Variants in PTAFR observed in about 807,000 individuals in gnomAD.
PTAFR encodes platelet activating factor receptor.
Under a neutral mutation model 14.7 loss-of-function variants are expected in PTAFR, and 8 were observed. The observed-to-expected ratio is 0.54, with a 90% confidence interval of 0.32 to 0.98. PTAFR has a LOEUF of 0.98. PTAFR is among the 50% of genes least tolerant of loss of function. The pLI is 0.04. For missense variants in PTAFR, 337 were observed against 451.2 expected, an observed-to-expected ratio of 0.75 and a Z score of 2.29; for synonymous variants, 156 against 176.5, an observed-to-expected ratio of 0.88 and a Z score of 0.92.
chr1:28,183,506 T>TA (rs1646579047), intron 1 of PTAFR, among the ~76,000 whole-genome samples: 1 of 152,200 alleles, frequency 6.6e-6, no homozygotes, highest in African/African-American at 2.4e-5. Context: ...TGCATGCCTG[T>TA]AGTCCTAGCT....
rs145158081 is a variant in PTAFR at position 28,175,202 on chromosome 1, A to G, written c.-39+1390T>C. 1.4e-3 allele frequency among the ~76,000 whole-genome samples: 210 copies of G among 152,174 alleles called. 2 individuals carry two copies. Among genetic ancestry groups the G allele is most frequent in the African/African-American group, 4.8e-3 (200 of 41,504 alleles). On this transcript the variant is annotated intron_variant, in intron 1 of 1. Coordinates refer to ENST00000373857, the MANE Select transcript of PTAFR (RefSeq NM_000952.5). The stretch of plus-strand genomic sequence containing the variant: ...GCTGGGATTACAGACGTGAGCCACC[A>G]TGCCCGGCCCACAGAGGTCAGTATT...
rs1357181271 is a variant in PTAFR, at chr1:28,170,553, T to TA, written c.-39+6038dup. ...ATTTTGTCTCTACAAAATTAAAAAT[T>TA]AAAAAAAAAATTAGCCAGGCATGGT... On this transcript the variant is annotated intron_variant, in intron 1 of 1. Coordinates refer to ENST00000373857, the MANE Select transcript of PTAFR (RefSeq NM_000952.5). 7.4e-5 allele frequency among the ~76,000 whole-genome samples: 11 copies of TA among 148,554 alleles called. 1 individual carries two copies. The highest frequency in any genetic ancestry group is 6.4e-4 in the South Asian group (3 of 4,724).
At chr1:28,166,652 CAG>C (rs1352068890) in intron 1 of PTAFR, among the ~76,000 whole-genome samples, 2 of 149,414 alleles carry the variant, frequency 1.3e-5, no homozygotes, top group Admixed American at 1.3e-4. Flanking sequence ...GCCTGGGAAA[CAG>C]AGCAAGACTC....
Position 28,149,807 on chromosome 1 carries a change from T to G in PTAFR, c.*186A>C. 3 of 708,530 alleles carry G rather than the reference T, an allele frequency of 4.2e-6. No homozygotes were observed. Among genetic ancestry groups the G allele is most frequent in the Non-Finnish European group, 2.3e-6 (1 of 441,702 alleles). 43.9% of individuals were successfully genotyped at this position (708,530 alleles called of 1,614,324 possible). A position where few individuals can be genotyped will look rare whatever the true frequency, so the allele number is the denominator to read the frequency against. ...GCCCACAGGCGGATGAAGGGGCTCA[T>G]TTGAGTTCTGGATTTTCCAACAGCC... On this transcript the variant is annotated 3_prime_UTR_variant, in exon 2 of 2. Transcript: ENST00000373857.
intron 1 of PTAFR, among the ~76,000 whole-genome samples, chr1:28,157,286 C>T (rs546279224): frequency 6.6e-6 from 1 of 152,098 alleles, no homozygotes; most frequent in East Asian, 1.9e-4. Flanking sequence ...ATTACAGGCA[C>T]ACGCTACCAC....
Position 28,150,275 on chromosome 1 carries a change from G to C in PTAFR, c.747C>G (p.His249Gln). The C allele has an allele frequency of 6.2e-7, 1 of 1,612,172 alleles. No individual in the cohort carries two copies. The highest frequency in any genetic ancestry group is 2.2e-5 in the East Asian group (1 of 44,844). ...CAAGGGTCCAGGGCAGCTGCACCACGTGGTGGGGCACGAAGCAGATGATGA... is the reference window on the plus strand; with the variant it reads ...CAAGGGTCCAGGGCAGCTGCACCACCTGGTGGGGCACGAAGCAGATGATGA... Reference protein sequence around the residue: ...AVFIICFVPHHVVQLPWTLAE... With the variant: ...AVFIICFVPHQVVQLPWTLAE... Residue 249 changes from histidine (H) to glutamine (Q), a missense_variant, in exon 2 of 2, where the codon CAC becomes CAG. Coordinates refer to ENST00000373857, the MANE Select transcript of PTAFR (RefSeq NM_000952.5). This position sits in a 1 kb window ranked among gnomAD's most constrained non-coding sequence, Gnocchi z 6.3.
At chr1:28,178,561 A>G (rs549738314), upstream of PTAFR, among the ~76,000 whole-genome samples, 138 of 152,196 alleles carry the variant, frequency 9.1e-4, no homozygotes, top group Non-Finnish European at 1.5e-3. Flanking sequence ...GCGCCTGGCC[A>G]GAACAAACCA....
chr1:28,151,027 T>C lies in PTAFR; in HGVS notation c.-6A>G. 6.4e-7 allele frequency: 1 copy of C among 1,559,906 alleles called. No homozygotes were observed. The highest frequency in any genetic ancestry group is 8.7e-7 in the Non-Finnish European group (1 of 1,153,034). ...GAGGAGTCATGTGGCTCCATTGCTG[T>C]GGGCTGGAATGATCAGCTGGTCCTG... On this transcript the variant is annotated 5_prime_UTR_variant, in exon 2 of 2. Transcript: ENST00000373857.
intron 1 of PTAFR, among the ~76,000 whole-genome samples, chr1:28,192,907 C>T (rs1572054046): frequency 6.6e-6 from 1 of 152,132 alleles, no homozygotes; most frequent in African/African-American, 2.4e-5. Context: ...TTTTTATTAT[C>T]AGTGTGCTCT....
At position 28,150,514 on chromosome 1, in the gene PTAFR, C is replaced by T. The variant is rs779388037; in HGVS notation, c.508G>A (p.Val170Ile). The change falls in exon 2 of 2, where the codon GTC (valine) becomes ATC (isoleucine). Residue 170 changes from valine to isoleucine, a missense_variant. Val to Ile is a conservative substitution (Grantham distance 29). Coordinates refer to ENST00000373857, the MANE Select transcript of PTAFR (RefSeq NM_000952.5). The surrounding 1 kb of genome is among the most constrained non-coding windows in gnomAD (Gnocchi z 6.3). ...TCGTAATGCTCAAAGCAGCGAGTGA[C>T]GTTGCCTGAGCCAGCACTGTCGGGC... ...TVPDSAGSGN[V>I]TRCFEHYEKG... The T allele has an allele frequency of 6.2e-6, 10 of 1,614,048 alleles. No individual in the cohort carries two copies. The highest frequency in any genetic ancestry group is 4.5e-5 in the East Asian group (2 of 44,894).
intron 1 of PTAFR, among the ~76,000 whole-genome samples, chr1:28,155,931 A>G (rs1646259098): frequency 1.3e-5 from 2 of 152,108 alleles, no homozygotes; most frequent in Admixed American, 1.3e-4. Flanking sequence ...ACGAACCTTT[A>G]AGAAACTACT....
intron 1 of PTAFR, among the ~76,000 whole-genome samples, chr1:28,170,993 A>G (rs1475536427): frequency 2.0e-5 from 3 of 151,022 alleles, no homozygotes; most frequent in African/African-American, 7.3e-5. Context: ...GCGAGACTCC[A>G]TCTCAAAAAA....
At chr1:28,186,798 G>T (rs189569049) in intron 1 of PTAFR, among the ~76,000 whole-genome samples, 1 of 151,816 alleles carries the variant, frequency 6.6e-6, no homozygotes, top group Non-Finnish European at 1.5e-5. Flanking sequence ...GGTGGCACAC[G>T]CCTGTAATCC....
intron 1 of PTAFR, among the ~76,000 whole-genome samples, chr1:28,188,188 G>A (rs1646622004): frequency 6.6e-6 from 1 of 152,172 alleles, no homozygotes. Flanking sequence ...GCTCACACCT[G>A]TAACCCCAGC....
At chr1:28,162,360 C>T (rs575507568) in intron 1 of PTAFR, among the ~76,000 whole-genome samples, 13 of 152,148 alleles carry the variant, frequency 8.5e-5, no homozygotes, top group Non-Finnish European at 4.4e-5. Context: ...AAACACCCAG[C>T]AACCGACAGG....
At chr1:28,168,341 G>C (rs890108865) in intron 1 of PTAFR, among the ~76,000 whole-genome samples, 10 of 151,994 alleles carry the variant, frequency 6.6e-5, no homozygotes, top group African/African-American at 2.4e-4. Context: ...CATCAAGCGT[G>C]GAAACACCTA....
chr1:28,155,403 G>C (rs1199193532), intron 1 of PTAFR, among the ~76,000 whole-genome samples: 1 of 152,108 alleles, frequency 6.6e-6, no homozygotes, highest in Non-Finnish European at 1.5e-5. Context: ...TAGAGACGGC[G>C]TTTCACCATG....
intron 1 of PTAFR, among the ~76,000 whole-genome samples, chr1:28,169,307 A>AAC (rs1646427006): frequency 6.6e-6 from 1 of 152,206 alleles, no homozygotes; most frequent in African/African-American, 2.4e-5. Context: ...AAAAAAAAAA[A>AAC]AAAATCAATG....
At chr1:28,152,532 C>G (rs1287534328) in intron 1 of PTAFR, among the ~76,000 whole-genome samples, 1 of 152,002 alleles carries the variant, frequency 6.6e-6, no homozygotes, top group Non-Finnish European at 1.5e-5. Context: ...CTCCTGATGT[C>G]AGGAGTTCGA....
Sources: allele counts gnomAD v4.1 joint callset (sites outside exome capture counted in the v4.1 genomes callset), GRCh38; gene constraint gnomAD v4.1.1; non-coding constraint Gnocchi (gnomAD v3.1); transcripts MANE v1.5; gene names NCBI Gene and HGNC (gene_info 2026-07-23, HGNC 2026-07-21).